Variants in INO80D observed in about 807,000 individuals in gnomAD.
INO80D encodes INO80 complex subunit D.
Under a neutral mutation model 87.6 loss-of-function variants are expected in INO80D, and 21 were observed. The ratio of observed to expected loss-of-function variants is 0.24; its 90% CI spans 0.17 to 0.35. INO80D has a LOEUF of 0.35. Among genes scored for constraint, INO80D ranks in the 10% least tolerant of loss-of-function variants. INO80D has a pLI of 1.00. For synonymous variants in INO80D, 440 were observed against 491.0 expected, an observed-to-expected ratio of 0.90 and a Z score of 1.37; for missense variants, 982 against 1,280.7, an observed-to-expected ratio of 0.77 and a Z score of 3.56.
chr2:206,034,213 A>T (rs746495716), intron 5 of INO80D, among the ~76,000 whole-genome samples: 5 of 152,166 alleles, frequency 3.3e-5, no homozygotes, highest in Non-Finnish European at 7.4e-5. Flanking sequence ...ATTCCACAAG[A>T]TAGAGAAAGA....
intron 4 of INO80D, among the ~76,000 whole-genome samples, chr2:206,052,056 T>A (rs1375222620): frequency 6.6e-6 from 1 of 152,238 alleles, no homozygotes; most frequent in Admixed American, 6.5e-5. Flanking sequence ...CCTGAGCACA[T>A]GTCTTTATAC....
intron 5 of INO80D, among the ~76,000 whole-genome samples, chr2:206,031,016 G>A (rs958220879): frequency 3.9e-5 from 6 of 152,224 alleles, no homozygotes; most frequent in African/African-American, 1.4e-4. Context: ...CCAGAGAAGG[G>A]ACAATAAGCA....
At chr2:206,040,285 CAAAA>C (rs35227213) in intron 5 of INO80D, 4 of 80,826 alleles carry the variant, frequency 4.9e-5, no homozygotes, top group Non-Finnish European at 7.1e-5. Context: ...GACTCTGTCT[CAAAA>C]AAAAAAAAAA....
chr2:206,014,781 C>CAG (rs904425069), intron 8 of INO80D, among the ~76,000 whole-genome samples: 40 of 152,178 alleles, frequency 2.6e-4, no homozygotes, highest in African/African-American at 9.6e-4. Context: ...GGGTAACAGG[C>CAG]AGAGGCTGGA....
intron 5 of INO80D, among the ~76,000 whole-genome samples, chr2:206,029,042 C>G (rs1688694568): frequency 6.6e-6 from 1 of 152,000 alleles, no homozygotes; most frequent in African/African-American, 2.4e-5. Context: ...TGTCTGCCAC[C>G]ACGCCTGGCT....
At chr2:206,030,019 ATTC>A (rs200982566) in intron 5 of INO80D, among the ~76,000 whole-genome samples, 284 of 152,316 alleles carry the variant, frequency 1.9e-3, no homozygotes, top group African/African-American at 6.4e-3. Context: ...AGGGCCCAGG[ATTC>A]TTCATTTTGA....
At chr2:206,070,233 T>G (rs1219524538) in intron 1 of INO80D, among the ~76,000 whole-genome samples, 1 of 149,374 alleles carries the variant, frequency 6.7e-6, no homozygotes, top group African/African-American at 2.5e-5. Context: ...CTGGCCAACA[T>G]GTTGAAACAC....
intron 1 of INO80D, among the ~76,000 whole-genome samples, chr2:206,084,271 A>AC: frequency 7.3e-6 from 1 of 137,556 alleles, no homozygotes; most frequent in Non-Finnish European, 1.6e-5. Context: ...ACACACACAC[A>AC]CACCCCAAAA....
chr2:206,045,292 G>C (rs1046814888), intron 5 of INO80D, among the ~76,000 whole-genome samples: 1 of 152,154 alleles, frequency 6.6e-6, no homozygotes, highest in African/African-American at 2.4e-5. Flanking sequence ...AGTCTCTAGT[G>C]AATCAGTTCC....
intron 4 of INO80D, among the ~76,000 whole-genome samples, chr2:206,053,066 A>G (rs994975088): frequency 2.6e-5 from 4 of 152,188 alleles, no homozygotes; most frequent in African/African-American, 9.6e-5. Context: ...CTTAAAGAAG[A>G]TAAGCTGACA....
Position 206,085,193 on chromosome 2 carries a change from G to A in INO80D, c.-124+708C>T, listed in dbSNP as rs544710307. 2.0e-5 allele frequency among the ~76,000 whole-genome samples: 3 copies of A among 152,256 alleles called. No homozygotes were observed. Among genetic ancestry groups the A allele is most frequent in the Admixed American group, 6.5e-5 (1 of 15,294 alleles). On this transcript the variant is annotated intron_variant, in intron 1 of 10. Coordinates refer to ENST00000403263, the MANE Select transcript of INO80D (RefSeq NM_017759.5). The surrounding 1 kb of genome is among the most constrained non-coding windows in gnomAD (Gnocchi z 4.5). ...GGCCTAAAAGGAAACTTTCTGGGCC[G>A]CGGCTGCACCTGACTCCTCACCGCC... is the stretch of plus-strand genomic sequence containing the variant.
intron 6 of INO80D, among the ~76,000 whole-genome samples, chr2:206,021,608 G>C (rs1418269172): frequency 6.6e-6 from 1 of 152,022 alleles, no homozygotes; most frequent in Non-Finnish European, 1.5e-5. Context: ...CCATATTAAA[G>C]GGATACTTCT....
At chr2:206,074,523 G>A (rs1264124241) in intron 1 of INO80D, among the ~76,000 whole-genome samples, 1 of 152,104 alleles carries the variant, frequency 6.6e-6, no homozygotes, top group East Asian at 1.9e-4. Flanking sequence ...TGAGGCAGGA[G>A]AAACTGCTTG....
intron 5 of INO80D, among the ~76,000 whole-genome samples, chr2:206,029,336 A>G (rs554710420): frequency 1.3e-5 from 2 of 152,354 alleles, no homozygotes; most frequent in Admixed American, 1.3e-4. Context: ...CTGAAGGAAC[A>G]TCTAAGCTCA....
chr2:206,027,475 G>A lies in INO80D; in HGVS notation c.1298+636C>T, dbSNP rs537185661. On this transcript the variant is annotated intron_variant, in intron 6 of 10. Transcript: ENST00000403263. ...ACACTTTGGGAGGTAAAGGTGGGAG[G>A]ATCGCTTCAGGCCAGGAGTTTGAGA... is the stretch of plus-strand genomic sequence containing the variant. 5.9e-5 allele frequency among the ~76,000 whole-genome samples: 9 copies of A among 152,276 alleles called. 1 individual carries two copies. In the East Asian group the frequency reaches 1.2e-3, roughly 20 times the overall value.
At chr2:206,053,834 G>T (rs1264067050) in intron 4 of INO80D, among the ~76,000 whole-genome samples, 1 of 147,194 alleles carries the variant, frequency 6.8e-6, no homozygotes, top group Non-Finnish European at 1.5e-5. Context: ...CCGGTCAAAA[G>T]ATACAGAATT....
Position 206,000,115 on chromosome 2 carries a change from A to G in INO80D, c.*4253T>C, listed in dbSNP as rs796447503. The G allele has an allele frequency of 1.3e-5, 2 of 152,280 alleles. No individual in the cohort carries two copies. Among genetic ancestry groups the G allele is most frequent in the African/African-American group, 4.8e-5 (2 of 41,560 alleles). 9.4% of individuals were successfully genotyped at this position (152,280 alleles called of 1,614,324 possible). ...GGAATCCTCTAAATTGCCTCATTAA[A>G]CTGGAGAGTTCTGTTGACCATTTAG... On this transcript the variant is annotated 3_prime_UTR_variant, in exon 11 of 11. Coordinates refer to ENST00000403263, the MANE Select transcript of INO80D (RefSeq NM_017759.5).
At chr2:206,005,886 CATT>C (rs1407560870) in intron 10 of INO80D, among the ~76,000 whole-genome samples, 2 of 152,266 alleles carry the variant, frequency 1.3e-5, no homozygotes, top group South Asian at 2.1e-4. Flanking sequence ...ATATTATCAT[CATT>C]AACATAGAAA....
intron 3 of INO80D, among the ~76,000 whole-genome samples, chr2:206,059,133 C>A (rs1689611881): frequency 6.6e-6 from 1 of 151,366 alleles, no homozygotes; most frequent in Non-Finnish European, 1.5e-5. Flanking sequence ...GTAATCCCAG[C>A]ACTTTGGGAG....
Sources: gnomAD v4.1 joint callset for allele counts (sites outside exome capture counted in the v4.1 genomes callset) on GRCh38, gnomAD v4.1.1 for gene constraint, Gnocchi (gnomAD v3.1) non-coding constraint, MANE v1.5 for transcripts, NCBI Gene and HGNC (gene_info 2026-07-23, HGNC 2026-07-21) for gene names.